SCN3B: variants seen among roughly 807,000 people sequenced by gnomAD.
The protein encoded by SCN3B is sodium channel regulatory subunit beta-3.
Under a neutral mutation model 25.4 loss-of-function variants are expected in SCN3B, and 11 were observed. The ratio of observed to expected loss-of-function variants is 0.43; its 90% CI spans 0.27 to 0.72. The LOEUF is 0.72. SCN3B is among the 30% of genes least tolerant of loss of function. The probability of loss-of-function intolerance (pLI) is 0.18; values close to 1 mark genes in which losing one functional copy is unlikely to be tolerated. For synonymous variants in SCN3B, 109 were observed against 110.7 expected (o/e 0.99, Z 0.09); for missense variants, 218 against 278.3 (o/e 0.78, Z 1.54).
At position 123,631,141 on chromosome 11, in the gene SCN3B, G is replaced by C. The variant is rs1002072090; in HGVS notation, c.*2658C>G. 1 of 152,116 alleles carries C rather than the reference G, an allele frequency of 6.6e-6. No homozygotes were observed. Among genetic ancestry groups the C allele is most frequent in the Non-Finnish European group, 1.5e-5 (1 of 68,034 alleles). The allele number at this position is 152,116 out of a possible 1,614,324, so 9.4% of individuals were successfully genotyped here. On this transcript the variant is annotated 3_prime_UTR_variant, in exon 7 of 7. Transcript: ENST00000299333. ...GAGAAGTTAGAAAAAGGAAGAGTGG[G>C]GAAGATAACCTGTCAAGGATAAATA...
chr11:123,649,655 T>G (rs1409703880), intron 2 of SCN3B, among the ~76,000 whole-genome samples: 1 of 147,692 alleles, frequency 6.8e-6, no homozygotes, highest in African/African-American at 2.4e-5. Context: ...TCTTTCTTTC[T>G]CTTTCTTTCT....
intron 2 of SCN3B, among the ~76,000 whole-genome samples, chr11:123,649,533 G>C (rs1955895589): frequency 6.6e-6 from 1 of 152,158 alleles, no homozygotes; most frequent in Non-Finnish European, 1.5e-5. Context: ...GCTGCTCCTT[G>C]CTTCAAGAGG....
intron 5 of SCN3B, among the ~76,000 whole-genome samples, chr11:123,636,988 G>A (rs890320876): frequency 6.6e-6 from 1 of 152,090 alleles, no homozygotes; most frequent in Admixed American, 6.5e-5. Flanking sequence ...CACCGCGCCC[G>A]GCCAAAATGA....
At position 123,638,195 on chromosome 11, in the gene SCN3B, T is replaced by G; in HGVS notation, c.575A>C (p.Gln192Pro). 1 of 1,614,128 alleles carries G rather than the reference T, an allele frequency of 6.2e-7. No individual in the cohort carries two copies. Among genetic ancestry groups the G allele is most frequent in the Non-Finnish European group, 8.5e-7 (1 of 1,180,040 alleles). Residue 192 changes from glutamine to proline, a missense_variant, in exon 5 of 7, where the codon CAA becomes CCA. Physicochemically the swap from Gln to Pro is moderately conservative, Grantham distance 76. Transcript: ENST00000299333. ...RKVSKAEEAA[Q>P]ENASDYLAIP... ...GCATCTCTGGACTTACGCGTTTTCT[T>G]GGGCTGCCTCTTCGGCTTTTGAGAC...
rs1412069210 is a variant in SCN3B at position 123,638,277 on chromosome 11, G to T, written c.493C>A (p.Leu165Ile). 2 of 1,614,030 alleles carry T rather than the reference G, an allele frequency of 1.2e-6. No individual in the cohort carries two copies. Among genetic ancestry groups the T allele is most frequent in the African/African-American group, 2.7e-5 (2 of 74,926 alleles). Reference sequence around the variant, plus strand: ...AGCCACAAGGTGAGGAAGACCAGAAGGATGTACATCATGATTTCTGAGACC... The same window carrying T: ...AGCCACAAGGTGAGGAAGACCAGAATGATGTACATCATGATTTCTGAGACC... ...SVVSEIMMYI[L>I]LVFLTLWLLI... is the part of the protein sequence containing the mutation. Residue 165 changes from leucine (L) to isoleucine (I), a missense_variant, in exon 5 of 7, where the codon CTT (leucine) becomes ATT (isoleucine). Coordinates refer to ENST00000299333, the MANE Select transcript of SCN3B (RefSeq NM_001040151.2).
chr11:123,648,276 G>A (rs565274870), intron 2 of SCN3B, among the ~76,000 whole-genome samples: 1 of 152,256 alleles, frequency 6.6e-6, no homozygotes, highest in East Asian at 1.9e-4. Flanking sequence ...TGAAGAGTTG[G>A]GTTTGATGTA....
rs3851104 is a variant in SCN3B at position 123,654,035 on chromosome 11, C to T, written c.-26+191G>A. The T allele has an allele frequency of 0.14, 79,368 of 584,248 alleles. 5,732 individuals are homozygous for T. The highest frequency in any genetic ancestry group is 0.22 in the Admixed American group (7,168 of 33,330). 36.2% of individuals were successfully genotyped at this position (584,248 alleles called of 1,614,324 possible). On this transcript the variant is annotated intron_variant, in intron 1 of 6. Coordinates refer to ENST00000299333, the MANE Select transcript of SCN3B (RefSeq NM_001040151.2). ...CTGGACCTCCCCAGTTCGAGGGAGC[C>T]GATCAGCCGCTCCGCGCCCGCTCTC...
chr11:123,646,354 C>CA (rs1955853458), intron 2 of SCN3B, among the ~76,000 whole-genome samples: 1 of 152,206 alleles, frequency 6.6e-6, no homozygotes, highest in Admixed American at 6.5e-5. Context: ...GATGGTGAAA[C>CA]ATGAGGCTAG....
At chr11:123,644,766 T>TGAGAGAGAGAGAGA (rs371690210) in intron 3 of SCN3B, among the ~76,000 whole-genome samples, 6 of 94,706 alleles carry the variant, frequency 6.3e-5, no homozygotes, top group African/African-American at 2.2e-4. Flanking sequence ...GAGACCCCGT[T>TGAGAGAGAGAGAGA]GAGAGAGAGA....
chr11:123,651,816 G>A (rs1247350718), intron 2 of SCN3B, among the ~76,000 whole-genome samples: 1 of 152,134 alleles, frequency 6.6e-6, no homozygotes, highest in Non-Finnish European at 1.5e-5. Flanking sequence ...TTCTTCCAAA[G>A]TTTTTTGGGG....
intron 2 of SCN3B, 43 bp from the exon 3 acceptor site, chr11:123,645,793 G>C (rs1447763970): frequency 6.2e-7 from 1 of 1,603,356 alleles, no homozygotes; most frequent in Non-Finnish European, 8.5e-7. Context: ...AGCAGGTGGT[G>C]GGGGAGGGGC....
In SCN3B at chr11:123,642,736, T is replaced by G; in HGVS notation, c.220-65A>C. On this transcript the variant is annotated intron_variant, in intron 3 of 6. Transcript: ENST00000299333. This position sits in a 1 kb window ranked among gnomAD's most constrained non-coding sequence, Gnocchi z 4.3. Reference sequence around the variant, plus strand: ...GAGATGGCAGTGGGGGGAAGCCGAGTTAGGGACAGGGCAGAGAAAAGGAGC... The same window carrying G: ...GAGATGGCAGTGGGGGGAAGCCGAGGTAGGGACAGGGCAGAGAAAAGGAGC... 1.6e-6 allele frequency: 2 copies of G among 1,248,598 alleles called. No individual in the cohort carries two copies. The highest frequency in any genetic ancestry group is 2.3e-6 in the Non-Finnish European group (2 of 860,386). The allele number at this position is 1,248,598 out of a possible 1,614,324, so 77.3% of individuals were successfully genotyped here. A position where few individuals can be genotyped will look rare whatever the true frequency, so the allele number is the denominator to read the frequency against.
chr11:123,644,800 AATATATATATATATAT>A (rs56135097), intron 3 of SCN3B, among the ~76,000 whole-genome samples: 8 of 45,576 alleles, frequency 1.8e-4, no homozygotes, highest in Admixed American at 6.6e-4. Flanking sequence ...AGAGAGAGAG[AATATATATATATATAT>A]ATATATATAT....
intron 2 of SCN3B, among the ~76,000 whole-genome samples, chr11:123,653,385 T>TATA (rs1430097077): frequency 6.6e-6 from 1 of 150,896 alleles, no homozygotes; most frequent in Non-Finnish European, 1.5e-5. Flanking sequence ...TTTCCAGGAG[T>TATA]ATAGACTCCT....
intron 4 of SCN3B, among the ~76,000 whole-genome samples, chr11:123,641,673 C>T (rs964568899): frequency 2.0e-5 from 3 of 152,152 alleles, no homozygotes; most frequent in Non-Finnish European, 4.4e-5. Context: ...AAGGCCTTCC[C>T]ACTCACGAAC....
intron 5 of SCN3B, among the ~76,000 whole-genome samples, chr11:123,634,604 T>C (rs1460335839): frequency 6.6e-6 from 1 of 152,196 alleles, no homozygotes; most frequent in East Asian, 1.9e-4. Context: ...TAGCCTGGCA[T>C]GGTGGCACGT....
intron 2 of SCN3B, 142 bp from the exon 3 acceptor site, chr11:123,645,892 A>G (rs1223968319): frequency 8.9e-6 from 7 of 786,910 alleles, no homozygotes; most frequent in Non-Finnish European, 1.5e-5. Flanking sequence ...AGCCACGTGC[A>G]CATGTCTACA....
chr11:123,651,044 G>C (rs1055244982), intron 2 of SCN3B, among the ~76,000 whole-genome samples: 1 of 151,728 alleles, frequency 6.6e-6, no homozygotes, highest in Admixed American at 6.6e-5. Context: ...GCAATATGGC[G>C]AGACATCGTC....
chr11:123,649,823 C>T (rs1017472446), intron 2 of SCN3B, among the ~76,000 whole-genome samples: 4 of 152,038 alleles, frequency 2.6e-5, no homozygotes, highest in Middle Eastern at 3.2e-3. Context: ...CCTGCCTCAG[C>T]CCCCTGAGTA....
Sources: gnomAD v4.1 joint callset for allele counts (sites outside exome capture counted in the v4.1 genomes callset) on GRCh38, gnomAD v4.1.1 for gene constraint, Gnocchi (gnomAD v3.1) non-coding constraint, MANE v1.5 for transcripts, NCBI Gene and HGNC (gene_info 2026-07-23, HGNC 2026-07-21) for gene names.